ENOX1: variants seen among roughly 807,000 people sequenced by gnomAD.
ENOX1 encodes candidate growth-related and time keeping constitutive hydroquinone (NADH) oxidase.
Under a neutral mutation model 82.5 loss-of-function variants are expected in ENOX1, and 42 were observed. The ratio of observed to expected loss-of-function variants is 0.51; its 90% CI spans 0.40 to 0.66. The LOEUF (loss-of-function observed/expected upper bound fraction) is 0.66, where lower values mean the gene tolerates loss of function less well. ENOX1 is among the 30% of genes least tolerant of loss of function. The pLI is 0.00. For missense variants in ENOX1, 608 were observed against 811.6 expected, an observed-to-expected ratio of 0.75 and a Z score of 3.05; for synonymous variants, 271 against 282.2, an observed-to-expected ratio of 0.96 and a Z score of 0.40.
chr13:43,651,292 T>G (rs1480277483), intron 2 of ENOX1, among the ~76,000 whole-genome samples: 1 of 151,820 alleles, frequency 6.6e-6, no homozygotes, highest in African/African-American at 2.4e-5. Flanking sequence ...GGAACAGGGA[T>G]GAAGAGGGAA....
intron 16 of ENOX1, among the ~76,000 whole-genome samples, chr13:43,216,186 A>G (rs548192337): frequency 2.0e-5 from 3 of 151,012 alleles, no homozygotes; most frequent in African/African-American, 7.2e-5. Context: ...GGACAGAGAG[A>G]GACTCCGTCT....
At chr13:43,569,540 C>T (rs186755078) in intron 2 of ENOX1, among the ~76,000 whole-genome samples, 5 of 152,156 alleles carry the variant, frequency 3.3e-5, no homozygotes, top group Admixed American at 3.3e-4. Flanking sequence ...AAAGAGACTC[C>T]CAGTGACACT....
chr13:43,722,055 C>T (rs1327198144), intron 1 of ENOX1, among the ~76,000 whole-genome samples: 1 of 152,182 alleles, frequency 6.6e-6, no homozygotes, highest in Non-Finnish European at 1.5e-5. Context: ...TCAAAAGATA[C>T]TGGGTTCAAA....
At chr13:43,715,757 A>G (rs182530028) in intron 1 of ENOX1, among the ~76,000 whole-genome samples, 2 of 152,208 alleles carry the variant, frequency 1.3e-5, no homozygotes, top group Admixed American at 6.5e-5. Context: ...AGTTGATCGC[A>G]TCGGCTCCTG....
chr13:43,646,716 T>C (rs971528485), intron 2 of ENOX1, among the ~76,000 whole-genome samples: 1 of 152,076 alleles, frequency 6.6e-6, no homozygotes, highest in Non-Finnish European at 1.5e-5. Flanking sequence ...TCAATCATGC[T>C]CTCCAGTTTA....
rs146255498 is a variant in ENOX1 at position 43,298,418 on chromosome 13, G to A, written c.1374C>T (p.Phe458=). 13 of 1,613,994 alleles carry A rather than the reference G, an allele frequency of 8.1e-6. No homozygotes were observed. The highest frequency in any genetic ancestry group is 1.0e-5 in the Non-Finnish European group (12 of 1,180,026). ...CCTTGGTGAGGTTTTCTTCTGTTCG[G>A]AAAAGCTGTTCTTTTTCTTGTTTCA... ...ELLKQEKEQL[F]RTEENLTKDQ... The change falls in exon 12 of 17, where the codon TTC becomes TTT. Residue 458 remains phenylalanine, a synonymous_variant. Coordinates refer to ENST00000690772, the MANE Select transcript of ENOX1 (RefSeq NM_001347969.2).
chr13:43,515,437 C>T (rs1316249603), intron 2 of ENOX1, among the ~76,000 whole-genome samples: 1 of 152,094 alleles, frequency 6.6e-6, no homozygotes, highest in Non-Finnish European at 1.5e-5. Context: ...ATCAGAAATG[C>T]TTCTGGGATC....
At chr13:43,282,568 C>T (rs775252650) in intron 12 of ENOX1, among the ~76,000 whole-genome samples, 41 of 151,622 alleles carry the variant, frequency 2.7e-4, no homozygotes, top group Admixed American at 3.9e-4. Context: ...GAACTACCGG[C>T]ATGTGCCACC....
chr13:43,400,226 C>T (rs1047996129), intron 5 of ENOX1, among the ~76,000 whole-genome samples: 2 of 152,144 alleles, frequency 1.3e-5, no homozygotes, highest in Non-Finnish European at 1.5e-5. Flanking sequence ...CTGTCTCTCC[C>T]CCAGTGAAAC....
intron 1 of ENOX1, among the ~76,000 whole-genome samples, chr13:43,697,604 G>A (rs751357172): frequency 2.6e-5 from 4 of 152,138 alleles, no homozygotes; most frequent in East Asian, 1.9e-4. Flanking sequence ...CACCTGCCAC[G>A]GGATCAGGAG....
chr13:43,749,892 C>T (rs752756652), intron 1 of ENOX1, among the ~76,000 whole-genome samples: 1 of 152,076 alleles, frequency 6.6e-6, no homozygotes, highest in South Asian at 2.1e-4. Flanking sequence ...TTTATTAGTC[C>T]TCCCAACATA....
At chr13:43,560,648 T>C (rs895811770) in intron 2 of ENOX1, among the ~76,000 whole-genome samples, 19 of 152,328 alleles carry the variant, frequency 1.2e-4, no homozygotes, top group Middle Eastern at 3.4e-3. Context: ...GTACTGCAAA[T>C]ATAATTCCTA....
intron 5 of ENOX1, among the ~76,000 whole-genome samples, chr13:43,368,864 G>C (rs138274601): frequency 3.3e-5 from 5 of 152,304 alleles, no homozygotes; most frequent in South Asian, 2.1e-4. Context: ...CCAGAGAAGT[G>C]AAGTGATTTG....
intron 2 of ENOX1, among the ~76,000 whole-genome samples, chr13:43,591,675 A>G (rs2153725606): frequency 6.6e-6 from 1 of 151,938 alleles, no homozygotes; most frequent in East Asian, 1.9e-4. Flanking sequence ...TGTTAAAAGT[A>G]TTAAAATTCT....
chr13:43,699,372 A>G (rs1451955749), intron 1 of ENOX1, among the ~76,000 whole-genome samples: 1 of 152,216 alleles, frequency 6.6e-6, no homozygotes, highest in Non-Finnish European at 1.5e-5. Flanking sequence ...TTCTCCTTCT[A>G]GAATGGTACC....
At chr13:43,602,505 T>C (rs1650979887) in intron 2 of ENOX1, among the ~76,000 whole-genome samples, 1 of 152,138 alleles carries the variant, frequency 6.6e-6, no homozygotes, top group Non-Finnish European at 1.5e-5. Flanking sequence ...ATTTATCTTA[T>C]AAAACTGGCC....
intron 1 of ENOX1, among the ~76,000 whole-genome samples, chr13:43,684,664 G>A (rs1190842455): frequency 6.6e-6 from 1 of 152,130 alleles, no homozygotes; most frequent in Non-Finnish European, 1.5e-5. Flanking sequence ...CAGAGAACAG[G>A]TAATCTTCAG....
chr13:43,361,580 TATA>T (rs1335406403), intron 5 of ENOX1, 128 bp from the exon 6 acceptor site: 2 of 817,548 alleles, frequency 2.4e-6, no homozygotes, highest in Non-Finnish European at 3.7e-6. Context: ...TGGCATAAGA[TATA>T]ATATTATAGA....
intron 11 of ENOX1, among the ~76,000 whole-genome samples, chr13:43,303,963 T>C (rs2046725340): frequency 6.6e-6 from 1 of 152,216 alleles, no homozygotes; most frequent in African/African-American, 2.4e-5. Flanking sequence ...GGGGTTGTGG[T>C]TGGCTTGTTT....
Sources: allele counts gnomAD v4.1 joint callset (sites outside exome capture counted in the v4.1 genomes callset), GRCh38; gene constraint gnomAD v4.1.1; transcripts MANE v1.5; gene names NCBI Gene and HGNC (gene_info 2026-07-23, HGNC 2026-07-21).